The following SDK1 variants were observed in gnomAD, a reference collection of about 807,000 sequenced individuals.
SDK1 encodes sidekick cell adhesion molecule 1.
A neutral mutation model predicts 245.5 loss-of-function variants in SDK1; 157 were observed. That is an observed-to-expected ratio of 0.64 (90% CI 0.56 to 0.73). The LOEUF (loss-of-function observed/expected upper bound fraction) is 0.73. Ranked by LOEUF, SDK1 falls within the 30% of genes least tolerant of loss-of-function variation. The pLI is 0.00. For synonymous variants in SDK1, 1,647 were observed against 1,278.5 expected (o/e 1.29, Z -6.15); for missense variants, 3,583 against 3,002.3 (o/e 1.19, Z -4.52).
At chr7:3,364,721 C>T (rs1323200717) in intron 1 of SDK1, among the ~76,000 whole-genome samples, 1 of 152,100 alleles carries the variant, frequency 6.6e-6, no homozygotes, top group Non-Finnish European at 1.5e-5. Flanking sequence ...ATGATTGCCC[C>T]TTTATTTTCT....
intron 22 of SDK1, among the ~76,000 whole-genome samples, chr7:4,106,235 T>C (rs1266171948): frequency 6.6e-6 from 1 of 151,770 alleles, no homozygotes; most frequent in Non-Finnish European, 1.5e-5. Context: ...CTCCTCAGGC[T>C]CTCCTGGTGG....
At chr7:4,105,704 T>C (rs1019306713) in intron 22 of SDK1, among the ~76,000 whole-genome samples, 3 of 152,212 alleles carry the variant, frequency 2.0e-5, no homozygotes, top group East Asian at 1.9e-4. Context: ...ACATAGATTC[T>C]GGCAGCCTGG....
chr7:4,242,941 G>C (rs551291280), intron 43 of SDK1, among the ~76,000 whole-genome samples: 15 of 152,360 alleles, frequency 9.8e-5, no homozygotes, highest in Non-Finnish European at 1.8e-4. Context: ...ACAGGTGCCA[G>C]TCCAAAGCAC....
intron 1 of SDK1, among the ~76,000 whole-genome samples, chr7:3,430,982 C>A (rs1265941593): frequency 6.6e-6 from 1 of 152,220 alleles, no homozygotes; most frequent in African/African-American, 2.4e-5. Context: ...CTTACTGCAA[C>A]CTCCGCCTCT....
intron 4 of SDK1, among the ~76,000 whole-genome samples, chr7:3,754,275 A>G (rs1384886323): frequency 6.6e-6 from 1 of 152,230 alleles, no homozygotes; most frequent in Non-Finnish European, 1.5e-5. Flanking sequence ...AAAGTTTCTT[A>G]ATGTATTACA....
chr7:3,632,853 G>A (rs11974255), intron 2 of SDK1, among the ~76,000 whole-genome samples: 56,247 of 151,992 alleles, frequency 0.37, 11,553 homozygotes, highest in African/African-American at 0.55. Context: ...GTGTTTTTCT[G>A]AGACAGCTTG....
chr7:3,431,594 G>A (rs147240820), intron 1 of SDK1, among the ~76,000 whole-genome samples: 2 of 152,234 alleles, frequency 1.3e-5, no homozygotes, highest in African/African-American at 4.8e-5. Flanking sequence ...CCATGAAGTG[G>A]TGAGTGGGAG....
intron 44 of SDK1, among the ~76,000 whole-genome samples, chr7:4,254,245 AT>A (rs1163997844): frequency 1.3e-5 from 2 of 151,562 alleles, no homozygotes; most frequent in Non-Finnish European, 2.9e-5. Flanking sequence ...TCATTCTGAT[AT>A]TCTTATTATA....
Position 3,579,010 on chromosome 7 carries a change from T to A in SDK1, c.299-40070T>A, listed in dbSNP as rs140587653. On this transcript the variant is annotated intron_variant, in intron 1 of 44. Coordinates refer to ENST00000404826, the MANE Select transcript of SDK1 (RefSeq NM_152744.4). ...ATTATTAGGGAAGTGATAAATGTCC[T>A]TGAAATCTTCACAATTTATGTTCCT... Among the ~76,000 whole-genome samples, 830 of 152,122 alleles carry A rather than the reference T, an allele frequency of 5.5e-3. 12 individuals are homozygous for A. The highest frequency in any genetic ancestry group is 0.018 in the South Asian group (87 of 4,814).
intron 5 of SDK1, among the ~76,000 whole-genome samples, chr7:3,893,361 G>A (rs1300044357): frequency 1.3e-5 from 2 of 152,008 alleles, no homozygotes; most frequent in East Asian, 1.9e-4. Flanking sequence ...TAATGCCCCC[G>A]CGGTTGGCTT....
intron 14 of SDK1, among the ~76,000 whole-genome samples, chr7:4,000,140 G>C (rs1232513093): frequency 2.6e-5 from 4 of 152,226 alleles, no homozygotes; most frequent in African/African-American, 9.6e-5. Context: ...GGGGGCCCAA[G>C]ATGGCCTAGA....
chr7:4,070,197 C>T (rs1357969541), intron 20 of SDK1, among the ~76,000 whole-genome samples: 2 of 152,096 alleles, frequency 1.3e-5, no homozygotes, highest in Non-Finnish European at 2.9e-5. Context: ...TTTCAGTGAC[C>T]ACAGTTAGTT....
chr7:4,082,534 C>CAAAAAAAAAAA (rs1300321399), intron 22 of SDK1, among the ~76,000 whole-genome samples: 1 of 108,766 alleles, frequency 9.2e-6, no homozygotes, highest in Admixed American at 9.9e-5. Context: ...GATTCTGTCT[C>CAAAAAAAAAAA]AAAAAAAAAA....
intron 5 of SDK1, among the ~76,000 whole-genome samples, chr7:3,882,943 G>A (rs1219022002): frequency 6.6e-6 from 1 of 152,144 alleles, no homozygotes; most frequent in Admixed American, 6.5e-5. Context: ...TGTAATTTAG[G>A]TAATGGAACA....
At chr7:3,654,197 G>T (rs1353691666) in intron 4 of SDK1, among the ~76,000 whole-genome samples, 1 of 152,160 alleles carries the variant, frequency 6.6e-6, no homozygotes, top group Non-Finnish European at 1.5e-5. Context: ...ATGCTGGTTT[G>T]TAAAATCTAG....
chr7:3,674,458 A>T (rs1783825222), intron 4 of SDK1, among the ~76,000 whole-genome samples: 1 of 152,094 alleles, frequency 6.6e-6, no homozygotes, highest in Non-Finnish European at 1.5e-5. Flanking sequence ...GGAGAGGGTG[A>T]CAATACAGGG....
At chr7:3,357,700 A>T (rs965616833) in intron 1 of SDK1, among the ~76,000 whole-genome samples, 3 of 151,872 alleles carry the variant, frequency 2.0e-5, no homozygotes, top group Admixed American at 6.6e-5. Flanking sequence ...TCCCCTGTCT[A>T]GGCCCTCACA....
intron 22 of SDK1, among the ~76,000 whole-genome samples, chr7:4,081,611 G>C (rs1225558858): frequency 6.6e-6 from 1 of 151,916 alleles, no homozygotes; most frequent in East Asian, 1.9e-4. Flanking sequence ...GTAGAGACGG[G>C]GTTTCACCAT....
intron 1 of SDK1, among the ~76,000 whole-genome samples, chr7:3,310,574 GC>G (rs1779526570): frequency 6.6e-6 from 1 of 152,140 alleles, no homozygotes; most frequent in African/African-American, 2.4e-5. Flanking sequence ...TGACTAGTTG[GC>G]TAGTATAACC....
Sources: gnomAD v4.1 joint callset for allele counts (sites outside exome capture counted in the v4.1 genomes callset) on GRCh38, gnomAD v4.1.1 for gene constraint, MANE v1.5 for transcripts, NCBI Gene and HGNC (gene_info 2026-07-23, HGNC 2026-07-21) for gene names.